NRXN1: variants seen among roughly 807,000 people sequenced by gnomAD.
NRXN1 encodes the protein neurexin-1.
NRXN1 carries 39 observed loss-of-function variants against 150.9 expected under a neutral mutation model. The ratio of observed to expected loss-of-function variants is 0.26; its 90% CI spans 0.20 to 0.34. The LOEUF (loss-of-function observed/expected upper bound fraction) is 0.34, where lower values mean the gene tolerates loss of function less well. Among genes scored for constraint, NRXN1 ranks in the 10% least tolerant of loss-of-function variants. NRXN1 has a pLI of 1.00. For synonymous variants in NRXN1, 924 were observed against 757.0 expected (o/e 1.22, Z -3.62); for missense variants, 1,815 against 1,949.9 (o/e 0.93, Z 1.30).
intron 21 of NRXN1, among the ~76,000 whole-genome samples, chr2:50,020,437 A>C (rs1214888520): frequency 6.6e-6 from 1 of 152,232 alleles, no homozygotes; most frequent in African/African-American, 2.4e-5. Flanking sequence ...GTTTTCAAAC[A>C]TAATTCTTTA....
chr2:50,016,131 A>C (rs972328400), intron 21 of NRXN1, among the ~76,000 whole-genome samples: 6 of 152,114 alleles, frequency 3.9e-5, no homozygotes, highest in African/African-American at 1.4e-4. Context: ...AAAGGTAAAG[A>C]GTAATGCAAT....
At chr2:50,023,673 C>G (rs1687885150) in intron 21 of NRXN1, 1 of 152,132 alleles carries the variant, frequency 6.6e-6, no homozygotes, top group Admixed American at 6.5e-5. Flanking sequence ...TAGCACAATT[C>G]ACTTCGGGGC....
chr2:50,389,363 GAGAA>G (rs1477040473), intron 17 of NRXN1, among the ~76,000 whole-genome samples: 144 of 150,284 alleles, frequency 9.6e-4, no homozygotes, highest in Non-Finnish European at 4.4e-4. Context: ...TTCTTACATA[GAGAA>G]AGAAAGTTAG....
chr2:49,951,752 G>C (rs1011453677), intron 21 of NRXN1, among the ~76,000 whole-genome samples: 1 of 151,926 alleles, frequency 6.6e-6, no homozygotes, highest in Non-Finnish European at 1.5e-5. Context: ...GAAAAGTAGG[G>C]TTCTAAGCTG....
At chr2:50,454,728 C>T (rs900291560) in intron 17 of NRXN1, among the ~76,000 whole-genome samples, 6 of 151,060 alleles carry the variant, frequency 4.0e-5, no homozygotes, top group Non-Finnish European at 7.4e-5. Flanking sequence ...TCCTCCAAGA[C>T]ACCAATCTTC....
intron 21 of NRXN1, among the ~76,000 whole-genome samples, chr2:49,996,057 A>T (rs2152526606): frequency 6.6e-6 from 1 of 152,234 alleles, no homozygotes; most frequent in African/African-American, 2.4e-5. Context: ...AGTATGATGT[A>T]CAATGATAAA....
chr2:50,084,222 C>T (rs983089258), intron 19 of NRXN1, among the ~76,000 whole-genome samples: 6 of 152,228 alleles, frequency 3.9e-5, no homozygotes, highest in Non-Finnish European at 7.3e-5. Context: ...CCTGCCAGTC[C>T]GGCGCCATGC....
intron 18 of NRXN1, among the ~76,000 whole-genome samples, chr2:50,099,596 T>C (rs1022536560): frequency 1.3e-5 from 2 of 152,208 alleles, no homozygotes; most frequent in Non-Finnish European, 2.9e-5. Context: ...TTATTATTGC[T>C]ACAATTATTG....
chr2:50,519,123 TG>T (rs1247958157), intron 12 of NRXN1, among the ~76,000 whole-genome samples: 2 of 151,940 alleles, frequency 1.3e-5, no homozygotes. Context: ...CTTTACATAA[TG>T]ATTGTTCAAA....
At chr2:50,256,485 T>C (rs1476692150) in intron 17 of NRXN1, among the ~76,000 whole-genome samples, 1 of 152,166 alleles carries the variant, frequency 6.6e-6, no homozygotes, top group East Asian at 1.9e-4. Flanking sequence ...AGCTATCAAT[T>C]TGACTAAATT....
intron 5 of NRXN1, among the ~76,000 whole-genome samples, chr2:50,821,533 T>C (rs1456442204): frequency 1.3e-5 from 2 of 152,142 alleles, no homozygotes; most frequent in East Asian, 1.9e-4. Context: ...AGTTAACATA[T>C]GTAAATAGCT....
intron 17 of NRXN1, among the ~76,000 whole-genome samples, chr2:50,240,808 C>T (rs999826920): frequency 6.6e-6 from 1 of 151,674 alleles, no homozygotes; most frequent in Non-Finnish European, 1.5e-5. Context: ...TACAAAGTAA[C>T]ATTTAGTCCA....
At chr2:50,042,305 A>G (rs1198217176) in intron 21 of NRXN1, among the ~76,000 whole-genome samples, 1 of 152,162 alleles carries the variant, frequency 6.6e-6, no homozygotes, top group African/African-American at 2.4e-5. Context: ...GTGGGAGGTA[A>G]CTGAATCAGG....
intron 5 of NRXN1, among the ~76,000 whole-genome samples, chr2:50,889,114 G>T (rs563406869): frequency 6.6e-6 from 1 of 151,576 alleles, no homozygotes; most frequent in Non-Finnish European, 1.5e-5. Context: ...CAGCAAAAAA[G>T]ATTCGGTTTT....
intron 8 of NRXN1, among the ~76,000 whole-genome samples, chr2:50,595,805 C>T (rs1214985822): frequency 6.6e-6 from 1 of 152,112 alleles, no homozygotes; most frequent in African/African-American, 2.4e-5. Flanking sequence ...TATCTATGTT[C>T]CTTAATAATT....
At chr2:50,597,575 C>A (rs1298918795) in intron 8 of NRXN1, among the ~76,000 whole-genome samples, 2 of 152,146 alleles carry the variant, frequency 1.3e-5, no homozygotes, top group Non-Finnish European at 2.9e-5. Context: ...TTAAACTTCC[C>A]AGAATGAGCA....
At chr2:50,413,952 T>C (rs1041500565) in intron 17 of NRXN1, among the ~76,000 whole-genome samples, 1 of 148,758 alleles carries the variant, frequency 6.7e-6, no homozygotes, top group African/African-American at 2.5e-5. Context: ...TCACATGTTC[T>C]CACTTATTTG....
At chr2:50,070,006 A>G (rs1315065759) in intron 19 of NRXN1, among the ~76,000 whole-genome samples, 3 of 151,724 alleles carry the variant, frequency 2.0e-5, no homozygotes, top group African/African-American at 4.8e-5. Flanking sequence ...ACCCGCCACC[A>G]CACCCACCTA....
At chr2:50,014,371 T>G (rs1441209974) in intron 21 of NRXN1, among the ~76,000 whole-genome samples, 1 of 152,116 alleles carries the variant, frequency 6.6e-6, no homozygotes, top group African/African-American at 2.4e-5. Flanking sequence ...TCCTTGTGTT[T>G]AATCCAGGAT....
Sources: allele counts gnomAD v4.1 joint callset (sites outside exome capture counted in the v4.1 genomes callset), GRCh38; gene constraint gnomAD v4.1.1; transcripts MANE v1.5; gene names NCBI Gene and HGNC (gene_info 2026-07-23, HGNC 2026-07-21).